Variants in RANBP2 observed in about 807,000 individuals in gnomAD.
The protein encoded by RANBP2 is E3 SUMO-protein ligase RanBP2.
A neutral mutation model predicts 303.6 loss-of-function variants in RANBP2; 57 were observed. The ratio of observed to expected loss-of-function variants is 0.19; its 90% confidence interval spans 0.15 to 0.23. RANBP2 has a LOEUF of 0.23. RANBP2 is among the 10% of genes least tolerant of loss of function. The probability of loss-of-function intolerance (pLI) is 1.00; values close to 1 mark genes in which losing one functional copy is unlikely to be tolerated. For synonymous variants in RANBP2, 1,167 were observed against 1,301.5 expected (o/e 0.90, Z 2.23); for missense variants, 3,138 against 3,780.8 (o/e 0.83, Z 4.46).
the RANBP2 span, chr2:108,896,579 C>T: frequency 0.011 from 3,088 of 290,292 alleles, 79 homozygotes; most frequent in African/African-American, 0.061. Flanking sequence ...GTCATTCCCA[C>T]GGGGTTTGAT....
rs1191751537 is a variant in RANBP2 at position 108,785,456 on chromosome 2, AAATT to A, written c.*1556_*1559del. 5.3e-5 allele frequency: 8 copies of A among 151,888 alleles called. No individual in the cohort carries two copies. Among genetic ancestry groups the A allele is most frequent in the African/African-American group, 9.7e-5 (4 of 41,118 alleles). The allele number at this position is 151,888 out of a possible 1,614,324, so 9.4% of individuals were successfully genotyped here. A position where few individuals can be genotyped will look rare whatever the true frequency, so the allele number is the denominator to read the frequency against. ...GATGCCTTCGTCATGATTTTAGAAT[AAATT>A]CTTAAGTTAATGCAAGTGCTTTTTA... On this transcript the variant is annotated 3_prime_UTR_variant, in exon 29 of 29. Coordinates refer to ENST00000283195, the MANE Select transcript of RANBP2 (RefSeq NM_006267.5).
the RANBP2 span, among the ~76,000 whole-genome samples, chr2:109,025,721 C>A: frequency 4.0e-5 from 6 of 151,686 alleles, no homozygotes; most frequent in Admixed American, 1.3e-4. Flanking sequence ...TGGCGTGAAC[C>A]CGGGAGGCAG....
the RANBP2 span, among the ~76,000 whole-genome samples, chr2:109,365,771 T>C: frequency 6.6e-6 from 1 of 152,248 alleles, no homozygotes; most frequent in Admixed American, 6.5e-5. Context: ...ACAATTTGCA[T>C]GTATCTGTGG....
At chr2:109,498,098 AGC>A in the RANBP2 span, among the ~76,000 whole-genome samples, 1 of 152,186 alleles carries the variant, frequency 6.6e-6, no homozygotes, top group Non-Finnish European at 1.5e-5. Flanking sequence ...GCCAGCAGGA[AGC>A]CCTCACAGAG....
chr2:109,495,124 T>C, the RANBP2 span, among the ~76,000 whole-genome samples: 27 of 152,236 alleles, frequency 1.8e-4, no homozygotes, highest in African/African-American at 6.3e-4. Flanking sequence ...GGACCTCATC[T>C]TTAGGTGTCT....
chr2:108,897,801 A>G, the RANBP2 span, among the ~76,000 whole-genome samples: 17 of 152,350 alleles, frequency 1.1e-4, no homozygotes, highest in South Asian at 1.2e-3. Context: ...AGATAAGAGT[A>G]GATATAATTT....
the RANBP2 span, among the ~76,000 whole-genome samples, chr2:108,964,949 A>G: frequency 2.0e-5 from 3 of 152,226 alleles, no homozygotes; most frequent in Non-Finnish European, 4.4e-5. Flanking sequence ...TATAAAGTTC[A>G]GCTTAACATT....
chr2:109,545,533 G>C, the RANBP2 span: 7 of 1,535,636 alleles, frequency 4.6e-6, no homozygotes, highest in African/African-American at 9.6e-5. Context: ...CGAATCGACA[G>C]CCTGGTTCCC....
chr2:109,231,956 C>T, the RANBP2 span, among the ~76,000 whole-genome samples: 1 of 152,196 alleles, frequency 6.6e-6, no homozygotes, highest in African/African-American at 2.4e-5. Context: ...TGTCCATCAC[C>T]ACAATACATT....
chr2:109,116,704 G>T, the RANBP2 span, among the ~76,000 whole-genome samples: 4 of 152,334 alleles, frequency 2.6e-5, no homozygotes, highest in East Asian at 5.8e-4. Flanking sequence ...GAGGAGAGGT[G>T]CTCTGCTTTT....
chr2:108,820,714 A>AAC, the RANBP2 span, among the ~76,000 whole-genome samples: 1 of 91,462 alleles, frequency 1.1e-5, no homozygotes, highest in Non-Finnish European at 2.2e-5. Flanking sequence ...AAAAAAAAAA[A>AAC]ACAAACAACA....
chr2:109,406,430 C>T, the RANBP2 span, among the ~76,000 whole-genome samples: 9 of 152,156 alleles, frequency 5.9e-5, no homozygotes, highest in African/African-American at 1.7e-4. Context: ...AGCTATATCA[C>T]GTAATAAGCA....
chr2:109,522,332 C>T, the RANBP2 span, among the ~76,000 whole-genome samples: 1 of 151,644 alleles, frequency 6.6e-6, no homozygotes, highest in East Asian at 1.9e-4. Context: ...GCTCTTGTCC[C>T]CCAGGCTTGA....
chr2:108,846,885 T>C, the RANBP2 span: 12 of 1,613,324 alleles, frequency 7.4e-6, no homozygotes, highest in Non-Finnish European at 1.0e-5. Flanking sequence ...CAATTTGCCA[T>C]TGAGATTTTT....
the RANBP2 span, among the ~76,000 whole-genome samples, chr2:109,748,464 C>T: frequency 5.8e-5 from 4 of 69,408 alleles, no homozygotes; most frequent in East Asian, 1.2e-3. Flanking sequence ...TTGCTTAGCC[C>T]GCCTTACCTT....
At chr2:109,709,074 G>A in the RANBP2 span, among the ~76,000 whole-genome samples, 3 of 151,156 alleles carry the variant, frequency 2.0e-5, no homozygotes, top group Admixed American at 2.0e-4. Flanking sequence ...AGGCCAAGGT[G>A]GGTGGATCAC....
the RANBP2 span, among the ~76,000 whole-genome samples, chr2:109,646,662 T>A: frequency 5.5e-4 from 81 of 147,514 alleles, no homozygotes; most frequent in Middle Eastern, 6.8e-3. Flanking sequence ...TGGCTATTTT[T>A]TTTTTTTTTT....
At chr2:109,228,558 G>A in the RANBP2 span, among the ~76,000 whole-genome samples, 2 of 152,194 alleles carry the variant, frequency 1.3e-5, no homozygotes, top group Admixed American at 1.3e-4. Context: ...GACCCTGCAG[G>A]TTAAGGGCTC....
the RANBP2 span, among the ~76,000 whole-genome samples, chr2:109,475,107 G>A: frequency 4.6e-5 from 7 of 152,172 alleles, no homozygotes; most frequent in Non-Finnish European, 1.0e-4. Context: ...CCTCTTGAGT[G>A]GCTGGGACTA....
Sources: allele counts gnomAD v4.1 joint callset (sites outside exome capture counted in the v4.1 genomes callset), GRCh38; gene constraint gnomAD v4.1.1; transcripts MANE v1.5; gene names NCBI Gene and HGNC (gene_info 2026-07-23, HGNC 2026-07-21).